Variants in SERPINB8 observed in about 807,000 individuals in gnomAD.
SERPINB8 encodes serpin family B member 8.
SERPINB8 carries 25 observed loss-of-function variants against 35.3 expected under a neutral mutation model. The observed-to-expected ratio is 0.71, with a 90% CI of 0.52 to 0.99. The LOEUF (loss-of-function observed/expected upper bound fraction) is 0.99, where lower values mean the gene tolerates loss of function less well. Ranked by LOEUF, SERPINB8 falls within the 50% of genes least tolerant of loss-of-function variation. The pLI is 0.00. For synonymous variants in SERPINB8, 186 were observed against 160.8 expected (o/e 1.16, Z -1.19); for missense variants, 484 against 446.5 (o/e 1.08, Z -0.76).
downstream of SERPINB8, among the ~76,000 whole-genome samples, chr18:64,006,744 C>T (rs865870459): frequency 6.6e-6 from 1 of 152,102 alleles, no homozygotes; most frequent in Non-Finnish European, 1.5e-5. Flanking sequence ...TTTTGAAAAT[C>T]ACTAGGTATA....
downstream of SERPINB8, among the ~76,000 whole-genome samples, chr18:63,993,486 G>A (rs2050834306): frequency 6.6e-6 from 1 of 152,128 alleles, no homozygotes; most frequent in Non-Finnish European, 1.5e-5. Flanking sequence ...GTCTATCTCA[G>A]GAAATGCTCC....
chr18:63,991,544 T>C (rs1017147423), downstream of SERPINB8, among the ~76,000 whole-genome samples: 1 of 144,888 alleles, frequency 6.9e-6, no homozygotes, highest in Non-Finnish European at 1.5e-5. Context: ...ATAATACAGG[T>C]TTTTTTTTGT....
intron 7 of SERPINB8, among the ~76,000 whole-genome samples, chr18:64,010,943 A>G (rs1251109748): frequency 2.3e-5 from 2 of 87,480 alleles, no homozygotes; most frequent in Non-Finnish European, 4.8e-5. Context: ...CTTACTATTA[A>G]CATATATATA....
exon 2 of SERPINB8, chr18:64,004,824 A>G: frequency 2.5e-6 from 1 of 398,570 alleles, no homozygotes; most frequent in Middle Eastern, 6.3e-4. Flanking sequence ...AACAGGATAC[A>G]CTGAGAAGCA....
chr18:63,974,155 TTTAC>T (rs1041882966), intron 1 of SERPINB8, among the ~76,000 whole-genome samples: 1 of 151,522 alleles, frequency 6.6e-6, no homozygotes, highest in African/African-American at 2.4e-5. Context: ...TATTTATTTA[TTTAC>T]TTGTTTTTTT....
rs772688944 is a variant in SERPINB8 at position 63,986,211 on chromosome 18, G to T, written c.721-663G>T. On this transcript the variant is annotated intron_variant, in intron 6 of 6. Coordinates refer to ENST00000397985, the MANE Select transcript of SERPINB8 (RefSeq NM_002640.4). Reference sequence around the variant, plus strand: ...TTGTTAAAGGGAAGGGGAGATGCTAGTGGAAGGCCTTTCTCCCTTTTTTCT... The same window carrying T: ...TTGTTAAAGGGAAGGGGAGATGCTATTGGAAGGCCTTTCTCCCTTTTTTCT... 3.8e-6 allele frequency: 6 copies of T among 1,578,418 alleles called. No individual in the cohort carries two copies. The South Asian group carries it at 6.8e-5, about 18-fold the overall frequency.
At chr18:63,983,755 T>C in intron 5 of SERPINB8, 34 bp downstream of exon 5, 11 of 1,481,344 alleles carry the variant, frequency 7.4e-6, no homozygotes, top group Non-Finnish European at 1.0e-5. Flanking sequence ...ACTGCTACTT[T>C]CTTAAAGTAA....
At chr18:63,973,102 T>C (rs2050519036) in intron 1 of SERPINB8, among the ~76,000 whole-genome samples, 3 of 152,232 alleles carry the variant, frequency 2.0e-5, no homozygotes, top group South Asian at 4.1e-4. Flanking sequence ...TTTACAGTCC[T>C]ACCAAGAGTT....
At chr18:63,973,521 T>C (rs1048809866) in intron 1 of SERPINB8, among the ~76,000 whole-genome samples, 1 of 152,234 alleles carries the variant, frequency 6.6e-6, no homozygotes, top group Non-Finnish European at 1.5e-5. Context: ...CTACTTTGGC[T>C]TTTGTTGCCA....
intron 4 of SERPINB8, among the ~76,000 whole-genome samples, chr18:63,983,271 C>A (rs1033268979): frequency 6.6e-6 from 1 of 152,210 alleles, no homozygotes; most frequent in Non-Finnish European, 1.5e-5. Flanking sequence ...ATGTTCTCAA[C>A]TCAGCCACTT....
intron 7 of SERPINB8, among the ~76,000 whole-genome samples, chr18:64,018,103 CAT>C (rs752515080): frequency 1.3e-5 from 2 of 152,288 alleles, no homozygotes; most frequent in African/African-American, 2.4e-5. Context: ...CTTTCCTTCT[CAT>C]ATATTCTAGA....
chr18:63,977,811 A>C (rs528806132), intron 1 of SERPINB8, among the ~76,000 whole-genome samples: 15 of 152,336 alleles, frequency 9.8e-5, no homozygotes, highest in African/African-American at 3.4e-4. Context: ...TTAGTGGCTG[A>C]AAAATGACAC....
chr18:63,976,417 C>T (rs1430406514), intron 1 of SERPINB8, among the ~76,000 whole-genome samples: 1 of 152,072 alleles, frequency 6.6e-6, no homozygotes, highest in Non-Finnish European at 1.5e-5. Flanking sequence ...CAAGGTGCCC[C>T]CCTAGATTAG....
exon 8 of SERPINB8, chr18:64,019,134 T>C (rs1399424358): frequency 6.6e-6 from 1 of 152,242 alleles, no homozygotes; most frequent in African/African-American, 2.4e-5. Flanking sequence ...AAAGACATTT[T>C]CCATTCCTGC....
chr18:64,011,752 T>C (rs531071919), intron 7 of SERPINB8, among the ~76,000 whole-genome samples: 18 of 152,290 alleles, frequency 1.2e-4, no homozygotes, highest in Admixed American at 5.2e-4. Flanking sequence ...GGGAAGCAAA[T>C]ACTTATATTT....
rs1353372066 is a variant in SERPINB8 at position 63,981,737 on chromosome 18, G to T, written c.323G>T (p.Cys108Phe). 6 of 1,612,714 alleles carry T rather than the reference G, an allele frequency of 3.7e-6. No homozygotes were observed. The highest frequency in any genetic ancestry group is 2.7e-5 in the African/African-American group (2 of 74,870). ...CDFLPDFKEY[C>F]QKFYQAELEE... ...TGTTTGCAGGACTTTAAAGAATACT[G>T]TCAGAAGTTCTATCAGGCAGAGCTG... Residue 108 changes from cysteine (C) to phenylalanine (F), a missense_variant, in exon 4 of 7, where the codon TGT (cysteine) becomes TTT (phenylalanine). Transcript: ENST00000397985.
At chr18:63,998,809 A>G (rs999583268) in intron 1 of SERPINB8, among the ~76,000 whole-genome samples, 1 of 152,182 alleles carries the variant, frequency 6.6e-6, no homozygotes, top group African/African-American at 2.4e-5. Context: ...GCAGTGCCTG[A>G]ATTTTGCCTA....
chr18:63,989,942 CAAAAAAAAAA>C (rs1161052778), downstream of SERPINB8, among the ~76,000 whole-genome samples: 1 of 27,882 alleles, frequency 3.6e-5, no homozygotes, highest in African/African-American at 1.1e-4. Flanking sequence ...GACTCTGTCT[CAAAAAAAAAA>C]AAAAAAAAAA....
At chr18:64,005,026 G>A (rs1432055374) in exon 2 of SERPINB8, 9 of 394,094 alleles carry the variant, frequency 2.3e-5, no homozygotes, top group African/African-American at 6.2e-5. Context: ...TGCAACCTGC[G>A]AGCTTCTTTG....
Sources: gnomAD v4.1 joint callset for allele counts (sites outside exome capture counted in the v4.1 genomes callset) on GRCh38, gnomAD v4.1.1 for gene constraint, MANE v1.5 for transcripts, NCBI Gene and HGNC (gene_info 2026-07-23, HGNC 2026-07-21) for gene names.